The following VTI1A variants were observed in gnomAD, a reference collection of about 807,000 sequenced individuals.
VTI1A encodes vesicle transport through interaction with t-SNAREs homolog 1A.
In VTI1A, 22 loss-of-function variants were observed where a neutral mutation model predicts 34.9. The ratio of observed to expected loss-of-function variants is 0.63; its 90% CI spans 0.45 to 0.90. VTI1A has a LOEUF of 0.90. VTI1A is among the 40% of genes least tolerant of loss of function. The probability of loss-of-function intolerance (pLI) is 0.00; values close to 1 mark genes in which losing one functional copy is unlikely to be tolerated. For missense variants in VTI1A, 268 were observed against 275.6 expected (o/e 0.97, Z 0.20); for synonymous variants, 87 against 97.3 (o/e 0.89, Z 0.62).
intron 5 of VTI1A, among the ~76,000 whole-genome samples, chr10:112,663,487 A>G (rs1176314234): frequency 6.6e-6 from 1 of 152,226 alleles, no homozygotes; most frequent in African/African-American, 2.4e-5. Flanking sequence ...GCATCTTTCT[A>G]CATCGTAACT....
rs549241432 is a variant in VTI1A at position 112,480,897 on chromosome 10, C to T, written c.264+16240C>T. Among the ~76,000 whole-genome samples the T allele has an allele frequency of 4.6e-5, 7 of 152,298 alleles. No homozygotes were observed. The East Asian group carries it at 1.3e-3, about 29-fold the overall frequency. On this transcript the variant is annotated intron_variant, in intron 3 of 7. Transcript: ENST00000393077. Reference sequence around the variant, plus strand: ...GCAACTTGGGCATCAGAAGGTTTTTCTAAATCTCAGGTGATCCTCTATGCA... The same window carrying T: ...GCAACTTGGGCATCAGAAGGTTTTTTTAAATCTCAGGTGATCCTCTATGCA...
intron 3 of VTI1A, among the ~76,000 whole-genome samples, chr10:112,518,040 A>T (rs1383741670): frequency 6.6e-6 from 1 of 152,080 alleles, no homozygotes; most frequent in South Asian, 2.1e-4. Flanking sequence ...TATAAATCTT[A>T]AACAATCATA....
At chr10:112,822,564 T>G (rs1853672717), downstream of VTI1A, among the ~76,000 whole-genome samples, 2 of 152,206 alleles carry the variant, frequency 1.3e-5, no homozygotes, top group Admixed American at 1.3e-4. Context: ...TTTTCTGCCC[T>G]GAGCAGACCT....
Position 112,611,737 on chromosome 10 carries a change from A to ATTTTT in VTI1A, c.428-56463_428-56459dup, listed in dbSNP as rs3057346. Among the ~76,000 whole-genome samples, 208 of 100,764 alleles carry ATTTTT rather than the reference A, an allele frequency of 2.1e-3. 5 individuals are homozygous for ATTTTT. Among genetic ancestry groups the ATTTTT allele is most frequent in the African/African-American group, 3.0e-3 (68 of 22,356 alleles). The allele number at this position is 100,764 out of a possible 152,430, so 66.1% of individuals were successfully genotyped here. On this transcript the variant is annotated intron_variant, in intron 5 of 7. Coordinates refer to ENST00000393077, the MANE Select transcript of VTI1A (RefSeq NM_145206.4). ...TAAAGCCCATTTGGTGAGAAAGGTA[A>ATTTTT]TTTTTTTTTTTTTTTTTTTTTTGTG...
intron 6 of VTI1A, 142 bp downstream of exon 6, chr10:112,668,430 AAG>A: frequency 1.1e-6 from 1 of 872,950 alleles, no homozygotes; most frequent in Non-Finnish European, 1.7e-6. Flanking sequence ...AAGGAAAAGG[AAG>A]AGGGTGAGAT....
At chr10:112,673,422 C>T (rs902755079) in intron 7 of VTI1A, among the ~76,000 whole-genome samples, 3 of 151,968 alleles carry the variant, frequency 2.0e-5, no homozygotes, top group Non-Finnish European at 4.4e-5. Context: ...CTCTCCCCGA[C>T]ACTACCTATA....
rs1204098271 is a variant in VTI1A, at chr10:112,595,683, G to A, written c.427+57353G>A. 9.7e-4 allele frequency among the ~76,000 whole-genome samples: 147 copies of A among 151,758 alleles called. 2 individuals are homozygous for A. Among genetic ancestry groups the A allele is most frequent in the African/African-American group, 3.5e-3 (144 of 41,312 alleles). On this transcript the variant is annotated intron_variant, in intron 5 of 7. Transcript: ENST00000393077. ...AACAACAGGTGCTGGAGAGGATGTG[G>A]AGAAATAGGAACACTTTTACACTGT...
At chr10:112,489,088 C>G (rs1848738267) in intron 3 of VTI1A, among the ~76,000 whole-genome samples, 1 of 152,186 alleles carries the variant, frequency 6.6e-6, no homozygotes, top group Non-Finnish European at 1.5e-5. Context: ...GTTGCTGGGT[C>G]TACCCTGGAG....
At position 112,539,967 on chromosome 10, in the gene VTI1A, A is replaced by C. The variant is rs113589744; in HGVS notation, c.427+1637A>C. Among the ~76,000 whole-genome samples, 982 of 152,294 alleles carry C rather than the reference A, an allele frequency of 6.4e-3. 14 individuals carry two copies. The highest frequency in any genetic ancestry group is 0.023 in the African/African-American group (937 of 41,560). On this transcript the variant is annotated intron_variant, in intron 5 of 7. Coordinates refer to ENST00000393077, the MANE Select transcript of VTI1A (RefSeq NM_145206.4). ...TTTGACAATCCTTGGGGAACATAGC[A>C]CTGTGTCTATGGAATATGACCATAA...
intron 7 of VTI1A, among the ~76,000 whole-genome samples, chr10:112,698,258 G>A (rs1267893777): frequency 6.6e-6 from 1 of 152,086 alleles, no homozygotes; most frequent in Non-Finnish European, 1.5e-5. Context: ...TGGGCTATGC[G>A]GCTTCTCAGA....
At chr10:112,470,250 TGTTTACTGTTG>T (rs1848031681) in intron 3 of VTI1A, among the ~76,000 whole-genome samples, 1 of 152,246 alleles carries the variant, frequency 6.6e-6, no homozygotes, top group Admixed American at 6.5e-5. Context: ...AATAGTCTGC[TGTTTACTGTTG>T]AAACTTTCCC....
At chr10:112,554,090 G>T (rs994110639) in intron 5 of VTI1A, among the ~76,000 whole-genome samples, 1 of 152,092 alleles carries the variant, frequency 6.6e-6, no homozygotes, top group African/African-American at 2.4e-5. Context: ...TAAGGAGTCC[G>T]ATATCATCTG....
intron 5 of VTI1A, among the ~76,000 whole-genome samples, chr10:112,612,932 GC>G (rs5787966): frequency 0.54 from 82,161 of 151,844 alleles, 22,575 homozygotes; most frequent in Admixed American, 0.65. Context: ...CATTTATTTT[GC>G]ATATAACCTG....
In VTI1A at chr10:112,576,241, CG is replaced by C. The variant is rs545063228; in HGVS notation, c.427+37912del. On this transcript the variant is annotated intron_variant, in intron 5 of 7. Coordinates refer to ENST00000393077, the MANE Select transcript of VTI1A (RefSeq NM_145206.4). Reference sequence around the variant, plus strand: ...TTCACCGTGTTAGCTAAGATGGTCTCGATCTCCTGACCTCGTGATCCGCCCC... The same window carrying C: ...TTCACCGTGTTAGCTAAGATGGTCTCATCTCCTGACCTCGTGATCCGCCCC... Among the ~76,000 whole-genome samples, 5 of 150,246 alleles carry C rather than the reference CG, an allele frequency of 3.3e-5. 1 individual carries two copies. In the South Asian group the frequency reaches 1.1e-3, roughly 32 times the overall value.
intron 7 of VTI1A, among the ~76,000 whole-genome samples, chr10:112,674,636 T>G (rs1847967301): frequency 6.6e-6 from 1 of 152,188 alleles, no homozygotes; most frequent in Non-Finnish European, 1.5e-5. Flanking sequence ...CTTAAGTGCA[T>G]ATGTGACCCT....
intron 7 of VTI1A, among the ~76,000 whole-genome samples, chr10:112,695,807 A>T (rs1848763310): frequency 6.6e-6 from 1 of 152,172 alleles, no homozygotes; most frequent in Non-Finnish European, 1.5e-5. Flanking sequence ...GAGGCTTTTT[A>T]CGCCACACGT....
intron 7 of VTI1A, among the ~76,000 whole-genome samples, chr10:112,708,317 G>T (rs1288676124): frequency 6.6e-6 from 1 of 152,186 alleles, no homozygotes; most frequent in Non-Finnish European, 1.5e-5. Flanking sequence ...GCACTAATGT[G>T]CAGTATGCAT....
chr10:112,750,344 A>G (rs1344094694), intron 7 of VTI1A, among the ~76,000 whole-genome samples: 3 of 152,068 alleles, frequency 2.0e-5, no homozygotes, highest in Non-Finnish European at 4.4e-5. Context: ...ATGCACCACC[A>G]TGCCTGACTA....
chr10:112,518,448 C>T (rs897249777), intron 3 of VTI1A, among the ~76,000 whole-genome samples: 1 of 151,374 alleles, frequency 6.6e-6, no homozygotes, highest in African/African-American at 2.4e-5. Flanking sequence ...GTGGCTTATA[C>T]CTGTAACCCC....
Sources: gnomAD v4.1 joint callset for allele counts (sites outside exome capture counted in the v4.1 genomes callset) on GRCh38, gnomAD v4.1.1 for gene constraint, MANE v1.5 for transcripts, NCBI Gene and HGNC (gene_info 2026-07-23, HGNC 2026-07-21) for gene names.